The following TTLL7 variants were observed in gnomAD, a reference collection of about 807,000 sequenced individuals.
TTLL7 encodes tubulin polyglutamylase TTLL7.
In TTLL7, 53 loss-of-function variants were observed where a neutral mutation model predicts 120.2. That is an observed-to-expected ratio of 0.44 (90% confidence interval 0.35 to 0.55). TTLL7 has a LOEUF of 0.55. Among genes scored for constraint, TTLL7 ranks in the 20% least tolerant of loss-of-function variants. The pLI is 0.00. For missense variants in TTLL7, 803 were observed against 1,054.7 expected (o/e 0.76, Z 3.31); for synonymous variants, 353 against 351.7 (o/e 1.00, Z -0.04).
intron 14 of TTLL7, among the ~76,000 whole-genome samples, chr1:83,915,007 TA>T (rs1658015851): frequency 6.6e-6 from 1 of 152,146 alleles, no homozygotes; most frequent in Admixed American, 6.5e-5. Flanking sequence ...AACTGCTCTA[TA>T]AAAGTGTTAT....
chr1:83,952,027 C>G (rs1389971180), intron 2 of TTLL7, 51 bp from the exon 3 acceptor site: 1 of 1,571,582 alleles, frequency 6.4e-7, no homozygotes, highest in Admixed American at 1.8e-5. Context: ...AAAATCTATA[C>G]CAGACAACAC....
intron 14 of TTLL7, among the ~76,000 whole-genome samples, chr1:83,914,445 C>T (rs985111450): frequency 6.8e-6 from 1 of 146,964 alleles, no homozygotes; most frequent in Admixed American, 7.2e-5. Flanking sequence ...AATTCTCCTG[C>T]TTCAGCCTCC....
chr1:83,997,144 C>A (rs535721018), intron 1 of TTLL7, among the ~76,000 whole-genome samples: 1 of 152,154 alleles, frequency 6.6e-6, no homozygotes, highest in Non-Finnish European at 1.5e-5. Context: ...TTTATCAATA[C>A]CCCCGTTAAC....
intron 18 of TTLL7, among the ~76,000 whole-genome samples, chr1:83,897,865 T>TA (rs58157608): frequency 0.023 from 2,878 of 127,320 alleles, 54 homozygotes; most frequent in African/African-American, 0.047. Flanking sequence ...TGTTTTCCAT[T>TA]AAAAAAAAAA....
chr1:83,952,636 C>T (rs1647095313), intron 1 of TTLL7, among the ~76,000 whole-genome samples: 1 of 152,084 alleles, frequency 6.6e-6, no homozygotes, highest in Non-Finnish European at 1.5e-5. Context: ...AAATAATATA[C>T]TATACACAAA....
chr1:83,913,076 C>A (rs139760064), intron 14 of TTLL7: 67 of 152,220 alleles, frequency 4.4e-4, no homozygotes, highest in African/African-American at 1.5e-3. Flanking sequence ...TACAGCTGAG[C>A]CTTTGTGTCT....
In TTLL7 at chr1:83,921,230, T is replaced by C. The variant is rs750177383; in HGVS notation, c.1290+17A>G. On this transcript the variant is annotated intron_variant, in intron 11 of 20. Transcript: ENST00000260505. ...TATGCAATTTAAATTGTGGGTACTT[T>C]CTTAAAACTTTCATACCAACTCTTC... The C allele has an allele frequency of 1.4e-5, 23 of 1,610,994 alleles. No individual in the cohort carries two copies. In the East Asian group the frequency reaches 1.8e-4, roughly 12 times the overall value.
In TTLL7 at chr1:83,907,355, T is replaced by C. The variant is rs1318323119; in HGVS notation, c.1992+101A>G. On this transcript the variant is annotated intron_variant, in intron 16 of 20. Coordinates refer to ENST00000260505, the MANE Select transcript of TTLL7 (RefSeq NM_024686.6). ...TTTCAAGAGGTCATGAGTTGAATTATGGAAAGGATCTGAGGTTCAGTCTGT... is the reference window on the plus strand; with the variant it reads ...TTTCAAGAGGTCATGAGTTGAATTACGGAAAGGATCTGAGGTTCAGTCTGT... 1.4e-5 allele frequency: 14 copies of C among 1,027,186 alleles called. 1 individual carries two copies. The highest frequency in any genetic ancestry group is 7.4e-5 in the East Asian group (3 of 40,700). The allele number at this position is 1,027,186 out of a possible 1,614,324, so 63.6% of individuals were successfully genotyped here. A position where few individuals can be genotyped will look rare whatever the true frequency, so the allele number is the denominator to read the frequency against.
rs536902559 is a variant in TTLL7, at chr1:83,892,167, T to A, written c.2209-1686A>T. On this transcript the variant is annotated intron_variant, in intron 18 of 20. Coordinates refer to ENST00000260505, the MANE Select transcript of TTLL7 (RefSeq NM_024686.6). ...AATAGAAGTAAAAACAATTAAGTTTTAAAAACACATGGGGAATACACATAA... is the reference window on the plus strand; with the variant it reads ...AATAGAAGTAAAAACAATTAAGTTTAAAAAACACATGGGGAATACACATAA... Among the ~76,000 whole-genome samples, 70 of 150,290 alleles carry A rather than the reference T, an allele frequency of 4.7e-4. 1 individual carries two copies. Among genetic ancestry groups the A allele is most frequent in the African/African-American group, 1.6e-3 (66 of 40,904 alleles).
intron 13 of TTLL7, among the ~76,000 whole-genome samples, chr1:83,918,009 T>C (rs1658335719): frequency 6.6e-6 from 1 of 152,162 alleles, no homozygotes. Flanking sequence ...ACACTAAAAT[T>C]TCTGGAAAGT....
intron 1 of TTLL7, chr1:83,980,115 C>T (rs539823842): frequency 3.2e-4 from 49 of 152,202 alleles, no homozygotes; most frequent in African/African-American, 1.1e-3. Context: ...TTTACCAAAT[C>T]CCAACAATCT....
At chr1:83,964,108 G>A (rs560799092) in intron 1 of TTLL7, among the ~76,000 whole-genome samples, 10 of 152,196 alleles carry the variant, frequency 6.6e-5, no homozygotes, top group African/African-American at 9.6e-5. Flanking sequence ...TAGACTTTAC[G>A]TGAAGGCCCT....
intron 14 of TTLL7, among the ~76,000 whole-genome samples, chr1:83,914,203 C>A (rs1217897003): frequency 6.6e-6 from 1 of 152,064 alleles, no homozygotes; most frequent in Admixed American, 6.5e-5. Context: ...TATCCAAGAA[C>A]CTTCCACTTG....
intron 9 of TTLL7, among the ~76,000 whole-genome samples, chr1:83,930,977 T>C (rs1659549385): frequency 6.6e-6 from 1 of 151,556 alleles, no homozygotes; most frequent in East Asian, 1.9e-4. Flanking sequence ...TTTTTCAATT[T>C]AGGTTTTCAT....
intron 16 of TTLL7, 94 bp downstream of exon 16, chr1:83,907,362 G>GATC: frequency 9.1e-7 from 1 of 1,097,090 alleles, no homozygotes; most frequent in East Asian, 2.4e-5. Flanking sequence ...TTATGGAAAG[G>GATC]ATCTGAGGTT....
At chr1:83,988,898 C>T (rs1277106799) in intron 1 of TTLL7, among the ~76,000 whole-genome samples, 1 of 151,890 alleles carries the variant, frequency 6.6e-6, no homozygotes, top group African/African-American at 2.4e-5. Context: ...TTAGTAGAGA[C>T]GGGGTTTCAC....
At chr1:83,906,027 C>G (rs1453290361) in intron 17 of TTLL7, among the ~76,000 whole-genome samples, 2 of 151,998 alleles carry the variant, frequency 1.3e-5, no homozygotes, top group Non-Finnish European at 2.9e-5. Flanking sequence ...TTTGATTAAT[C>G]ATTAAGAACA....
At chr1:83,958,517 A>G (rs1011765150) in intron 1 of TTLL7, among the ~76,000 whole-genome samples, 13 of 152,238 alleles carry the variant, frequency 8.5e-5, no homozygotes, top group African/African-American at 3.1e-4. Flanking sequence ...CCTAAAAATT[A>G]TAAAAATAAG....
chr1:83,932,587 A>ACG (rs1179844439), intron 9 of TTLL7, among the ~76,000 whole-genome samples: 3 of 151,902 alleles, frequency 2.0e-5, no homozygotes, highest in Non-Finnish European at 2.9e-5. Context: ...ACACACACAC[A>ACG]CAATCTTTGG....
Sources: allele counts gnomAD v4.1 joint callset (sites outside exome capture counted in the v4.1 genomes callset), GRCh38; gene constraint gnomAD v4.1.1; transcripts MANE v1.5; gene names NCBI Gene and HGNC (gene_info 2026-07-23, HGNC 2026-07-21).